SLC44A1: variants seen among roughly 807,000 people sequenced by gnomAD.
SLC44A1 encodes the protein choline transporter-like protein 1.
SLC44A1 carries 26 observed loss-of-function variants against 79.3 expected under a neutral mutation model. The observed-to-expected ratio is 0.33, with a 90% CI of 0.24 to 0.46. The LOEUF (loss-of-function observed/expected upper bound fraction) is 0.46, where lower values mean the gene tolerates loss of function less well. SLC44A1 is among the 20% of genes least tolerant of loss of function. The pLI is 1.00. For missense variants in SLC44A1, 688 were observed against 798.1 expected, an observed-to-expected ratio of 0.86 and a Z score of 1.66; for synonymous variants, 263 against 286.2, an observed-to-expected ratio of 0.92 and a Z score of 0.82.
chr9:105,332,741 A>C (rs1826791772), intron 3 of SLC44A1, among the ~76,000 whole-genome samples: 1 of 152,060 alleles, frequency 6.6e-6, no homozygotes, highest in African/African-American at 2.4e-5. Context: ...ATGAAAACCG[A>C]ATGTTAGTAT....
intron 2 of SLC44A1, among the ~76,000 whole-genome samples, chr9:105,304,955 T>G (rs138829254): frequency 0.015 from 1,013 of 68,928 alleles, 99 homozygotes; most frequent in African/African-American, 0.037. Context: ...TTTTTTTTTT[T>G]TTTTTTTTTT....
chr9:105,301,622 G>T (rs1319757493), intron 2 of SLC44A1, among the ~76,000 whole-genome samples: 1 of 151,946 alleles, frequency 6.6e-6, no homozygotes, highest in Admixed American at 6.6e-5. Flanking sequence ...ACAAACATTT[G>T]TTGGGCATTA....
At position 105,310,016 on chromosome 9, in the gene SLC44A1, C is replaced by G. The variant is rs1054536961; in HGVS notation, c.269+150C>G. On this transcript the variant is annotated intron_variant, in intron 3 of 15. Transcript: ENST00000374720. ...GTGTGTTTGATTTTTTTTCACTGAA[C>G]CCTTGAATGATTCTTCTTATTGGTC... The G allele has an allele frequency of 2.7e-5, 20 of 730,518 alleles. No individual in the cohort carries two copies. In the African/African-American group the frequency reaches 3.4e-4, roughly 12 times the overall value. The allele number at this position is 730,518 out of a possible 1,614,324, so 45.3% of individuals were successfully genotyped here. A position where few individuals can be genotyped will look rare whatever the true frequency, so the allele number is the denominator to read the frequency against.
At chr9:105,351,638 GAA>G (rs1178488740) in intron 5 of SLC44A1, among the ~76,000 whole-genome samples, 38 of 141,722 alleles carry the variant, frequency 2.7e-4, no homozygotes, top group African/African-American at 7.0e-4. Flanking sequence ...GAAAGAGAAA[GAA>G]AGAAAGAAAG....
At chr9:105,264,636 G>A (rs2131218673) in intron 1 of SLC44A1, among the ~76,000 whole-genome samples, 1 of 152,260 alleles carries the variant, frequency 6.6e-6, no homozygotes, top group Admixed American at 6.5e-5. Flanking sequence ...TCACCTAGTT[G>A]TGTGACTCTC....
intron 4 of SLC44A1, among the ~76,000 whole-genome samples, chr9:105,346,410 T>C (rs1358230395): frequency 6.6e-6 from 1 of 152,140 alleles, no homozygotes. Context: ...GATGAAGCAG[T>C]GTATTTGCCA....
In SLC44A1 at chr9:105,392,736, T is replaced by C; in HGVS notation, c.*3680T>C. ...AGCTACTAACAGCCATTTTAAGAGA[T>C]CTCCTAGCCTGCAAGGTAGAATTCT... On this transcript the variant is annotated 3_prime_UTR_variant, in exon 16 of 16. Transcript: ENST00000374720. 1.0e-6 allele frequency: 1 copy of C among 985,326 alleles called. No homozygotes were observed. Among genetic ancestry groups the C allele is most frequent in the Non-Finnish European group, 1.2e-6 (1 of 829,906 alleles). The allele number at this position is 985,326 out of a possible 1,614,324, so 61.0% of individuals were successfully genotyped here.
At chr9:105,385,155 A>G (rs1828591469) in intron 14 of SLC44A1, among the ~76,000 whole-genome samples, 1 of 152,210 alleles carries the variant, frequency 6.6e-6, no homozygotes, top group East Asian at 1.9e-4. Context: ...TTTCTCTTCC[A>G]GGTAGAACTA....
chr9:105,288,024 T>G (rs1261681669), intron 1 of SLC44A1, among the ~76,000 whole-genome samples: 1 of 152,208 alleles, frequency 6.6e-6, no homozygotes, highest in Non-Finnish European at 1.5e-5. Context: ...TTAAATAGCA[T>G]TAATGGAAAT....
intron 1 of SLC44A1, among the ~76,000 whole-genome samples, chr9:105,245,156 C>T (rs1049503197): frequency 6.6e-6 from 1 of 151,972 alleles, no homozygotes; most frequent in African/African-American, 2.4e-5. Flanking sequence ...CGGCCCCTTC[C>T]CCAGTCGGCC....
chr9:105,354,330 G>A (rs370755869), intron 5 of SLC44A1, among the ~76,000 whole-genome samples: 18 of 152,076 alleles, frequency 1.2e-4, no homozygotes, highest in African/African-American at 3.4e-4. Context: ...GATTACAGGC[G>A]TGAGCCACCG....
chr9:105,380,658 G>A (rs1828433974), intron 13 of SLC44A1, among the ~76,000 whole-genome samples: 1 of 152,090 alleles, frequency 6.6e-6, no homozygotes, highest in Non-Finnish European at 1.5e-5. Context: ...CATTTTAAAT[G>A]TATGAGAAAT....
chr9:105,247,386 C>T (rs997168502), intron 1 of SLC44A1, among the ~76,000 whole-genome samples: 4 of 152,218 alleles, frequency 2.6e-5, no homozygotes, highest in Non-Finnish European at 4.4e-5. Context: ...CAACCTCCGC[C>T]TCCTGGGTTC....
intron 3 of SLC44A1, among the ~76,000 whole-genome samples, chr9:105,315,622 A>T (rs1055763903): frequency 6.6e-6 from 1 of 152,206 alleles, no homozygotes; most frequent in African/African-American, 2.4e-5. Flanking sequence ...ATACTATACC[A>T]CATAACCATC....
intron 13 of SLC44A1, among the ~76,000 whole-genome samples, chr9:105,380,669 A>G (rs1210689933): frequency 6.6e-6 from 1 of 152,202 alleles, no homozygotes; most frequent in African/African-American, 2.4e-5. Flanking sequence ...TATGAGAAAT[A>G]TAATAGAAGT....
At chr9:105,289,980 A>G (rs917932305) in intron 1 of SLC44A1, among the ~76,000 whole-genome samples, 5 of 151,770 alleles carry the variant, frequency 3.3e-5, no homozygotes, top group Admixed American at 2.0e-4. Flanking sequence ...TGCCTGGCGA[A>G]TTTGTTTGTA....
At chr9:105,425,969 C>T (rs1288842682) in intron 15 of SLC44A1, among the ~76,000 whole-genome samples, 1 of 152,206 alleles carries the variant, frequency 6.6e-6, no homozygotes, top group Non-Finnish European at 1.5e-5. Flanking sequence ...AGGTGTTTTG[C>T]ATTTTCAATC....
chr9:105,358,360 G>T lies in SLC44A1; in HGVS notation c.687G>T (p.Leu229Phe), dbSNP rs748822671. 6.4e-7 allele frequency: 1 copy of T among 1,571,592 alleles called. No homozygotes were observed. The highest frequency in any genetic ancestry group is 8.8e-7 in the Non-Finnish European group (1 of 1,141,946). Residue 229 changes from leucine (L) to phenylalanine (F), a missense_variant, in exon 7 of 16, where the codon TTG becomes TTT. By Grantham distance (22) the Leu-to-Phe change is conservative. Coordinates refer to ENST00000374720, the MANE Select transcript of SLC44A1 (RefSeq NM_080546.5). The part of the protein sequence containing the change: ...CLLSLVLSMI[L>F]MVIIRYISRV... ...TCCCTGCAGTTCTATCCATGATTTT[G>T]ATGGTGATAATCAGGTATATATCAA...
intron 1 of SLC44A1, among the ~76,000 whole-genome samples, chr9:105,293,057 T>C (rs990656749): frequency 2.6e-5 from 4 of 152,116 alleles, no homozygotes; most frequent in African/African-American, 9.7e-5. Flanking sequence ...CTCAGGAGGC[T>C]AAGGCAGGAA....
Sources: gnomAD v4.1 joint callset for allele counts (sites outside exome capture counted in the v4.1 genomes callset) on GRCh38, gnomAD v4.1.1 for gene constraint, MANE v1.5 for transcripts, NCBI Gene and HGNC (gene_info 2026-07-23, HGNC 2026-07-21) for gene names.